The following RIMS1 variants were observed in gnomAD, a reference collection of about 807,000 sequenced individuals.
RIMS1 encodes the protein regulating synaptic membrane exocytosis protein 1.
Under a neutral mutation model 214.1 loss-of-function variants are expected in RIMS1, and 83 were observed. That is an observed-to-expected ratio of 0.39 (90% CI 0.32 to 0.47). The LOEUF (loss-of-function observed/expected upper bound fraction) is 0.47. Among genes scored for constraint, RIMS1 ranks in the 20% least tolerant of loss-of-function variants. The pLI is 0.99. For missense variants in RIMS1, 2,050 were observed against 2,161.8 expected, an observed-to-expected ratio of 0.95 and a Z score of 1.03; for synonymous variants, 793 against 786.8, an observed-to-expected ratio of 1.01 and a Z score of -0.13.
intron 1 of RIMS1, among the ~76,000 whole-genome samples, chr6:71,927,928 T>C (rs1206025295): frequency 6.6e-6 from 1 of 152,182 alleles, no homozygotes; most frequent in Non-Finnish European, 1.5e-5. Context: ...ACAGTTATTT[T>C]ATGGTTGAAA....
intron 27 of RIMS1, among the ~76,000 whole-genome samples, chr6:72,309,350 T>G (rs1192157348): frequency 1.3e-5 from 2 of 152,110 alleles, no homozygotes; most frequent in African/African-American, 4.8e-5. Flanking sequence ...TCCAGCTCAC[T>G]TATTTACCAA....
At chr6:72,167,909 T>A (rs1351155326) in intron 4 of RIMS1, among the ~76,000 whole-genome samples, 1 of 152,046 alleles carries the variant, frequency 6.6e-6, no homozygotes, top group African/African-American at 2.4e-5. Context: ...TTTTATTTTT[T>A]TTTTTAGTTT....
chr6:71,960,630 C>T (rs187233467), intron 1 of RIMS1, among the ~76,000 whole-genome samples: 14 of 152,166 alleles, frequency 9.2e-5, no homozygotes, highest in Admixed American at 9.2e-4. Context: ...ATTAGATGTC[C>T]TTGTAGTTTT....
intron 20 of RIMS1, among the ~76,000 whole-genome samples, 158 bp from the exon 21 acceptor site, chr6:72,265,232 T>C (rs2079948595): frequency 6.6e-6 from 1 of 152,184 alleles, no homozygotes. Flanking sequence ...CTAAAATCGT[T>C]TTAACTATAA....
At chr6:72,273,542 AAC>A (rs1330677239) in intron 22 of RIMS1, among the ~76,000 whole-genome samples, 4 of 152,152 alleles carry the variant, frequency 2.6e-5, no homozygotes, top group Admixed American at 2.6e-4. Flanking sequence ...AAAGGAATGA[AAC>A]AGTTTTCTAA....
intron 2 of RIMS1, among the ~76,000 whole-genome samples, chr6:71,969,318 A>G (rs986022505): frequency 3.9e-5 from 6 of 152,056 alleles, no homozygotes; most frequent in African/African-American, 1.4e-4. Flanking sequence ...CTCTAAAATG[A>G]CAGCAATTCT....
chr6:72,105,882 A>G (rs2034640365), intron 4 of RIMS1, among the ~76,000 whole-genome samples: 2 of 152,190 alleles, frequency 1.3e-5, no homozygotes, highest in African/African-American at 4.8e-5. Context: ...CAGGTCTACT[A>G]GACTATGACT....
chr6:72,315,712 GAC>G (rs2095748686), intron 28 of RIMS1, among the ~76,000 whole-genome samples: 1 of 151,812 alleles, frequency 6.6e-6, no homozygotes, highest in South Asian at 2.1e-4. Flanking sequence ...CACACACAGA[GAC>G]ACACAAACAC....
intron 1 of RIMS1, among the ~76,000 whole-genome samples, chr6:71,895,904 G>A (rs1048334862): frequency 5.3e-5 from 8 of 152,082 alleles, no homozygotes; most frequent in African/African-American, 1.4e-4. Context: ...ATTACTTAGC[G>A]TATTGGTAGA....
rs1216948867 is a variant in RIMS1, at chr6:72,233,695, A to G, written c.1679-78A>G. ...CTTATGATATTAAAACTCTTTATAG[A>G]TCGAAGAAGTAAAGCTTAAAGTGAT... On this transcript the variant is annotated intron_variant, in intron 6 of 33. Coordinates refer to ENST00000521978, the MANE Select transcript of RIMS1 (RefSeq NM_014989.7). 2.9e-6 allele frequency: 3 copies of G among 1,033,918 alleles called. No individual in the cohort carries two copies. In the African/African-American group the frequency reaches 4.8e-5, roughly 16 times the overall value. The allele number at this position is 1,033,918 out of a possible 1,614,324, so 64.0% of individuals were successfully genotyped here.
chr6:72,265,037 A>C lies in RIMS1; in HGVS notation c.3179A>C (p.His1060Pro), dbSNP rs777807498. Residue 1060 changes from histidine (H) to proline (P), a missense_variant, in exon 20 of 34, where the codon CAC becomes CCC. Physicochemically the swap from His to Pro is moderately conservative, Grantham distance 77. Around this residue, in one of 6 missense-constraint regions of RIMS1, gnomAD observed 889 missense variants for 885.5 expected, o/e 1.00. Transcript: ENST00000521978. ...PKMPLLQSSS[H>P]WNIYSSILPA... The stretch of plus-strand genomic sequence containing the variant: ...ATGCCTTTATTACAGAGCAGTTCTC[A>C]CTGGAATATTTACAGGTAAGAGCCC... 2 of 1,586,658 alleles carry C rather than the reference A, an allele frequency of 1.3e-6. No individual in the cohort carries two copies. The highest frequency in any genetic ancestry group is 2.7e-5 in the African/African-American group (2 of 74,356).
chr6:72,331,573 G>A (rs1264411146), intron 28 of RIMS1, among the ~76,000 whole-genome samples: 4 of 151,892 alleles, frequency 2.6e-5, no homozygotes, highest in African/African-American at 7.2e-5. Context: ...CTTAAGGATG[G>A]GTGGCGTATT....
At chr6:71,933,255 T>TA (rs1783566341) in intron 1 of RIMS1, among the ~76,000 whole-genome samples, 1 of 152,108 alleles carries the variant, frequency 6.6e-6, no homozygotes, top group Non-Finnish European at 1.5e-5. Context: ...CTACCTGAGG[T>TA]ATCCTCTCAT....
chr6:72,297,211 T>C (rs1185068896), intron 26 of RIMS1, among the ~76,000 whole-genome samples: 5 of 151,994 alleles, frequency 3.3e-5, no homozygotes, highest in Non-Finnish European at 7.4e-5. Context: ...AGATTTTGCA[T>C]AGATTTCTAG....
chr6:72,237,977 A>C, intron 9 of RIMS1, 55 bp downstream of exon 9: 1 of 1,258,998 alleles, frequency 7.9e-7, no homozygotes, highest in Non-Finnish European at 1.1e-6. Context: ...ATGAACATGA[A>C]TTGGTGGTTT....
chr6:72,237,535 G>A (rs1267285490), intron 8 of RIMS1, among the ~76,000 whole-genome samples: 2 of 151,798 alleles, frequency 1.3e-5, no homozygotes, highest in Admixed American at 6.6e-5. Context: ...AATTAGCTGG[G>A]CGTGGTGGTG....
chr6:71,928,854 A>G (rs1433368076), intron 1 of RIMS1, among the ~76,000 whole-genome samples: 1 of 152,166 alleles, frequency 6.6e-6, no homozygotes, highest in South Asian at 2.1e-4. Context: ...AATCATTGAC[A>G]CAGAATAGCT....
chr6:72,155,420 A>G (rs2044306440), intron 4 of RIMS1, among the ~76,000 whole-genome samples: 1 of 140,670 alleles, frequency 7.1e-6, no homozygotes, highest in African/African-American at 2.5e-5. Flanking sequence ...ACCCAGTTCC[A>G]AAGTTGCTTC....
chr6:72,063,369 G>T (rs540475960), intron 2 of RIMS1, among the ~76,000 whole-genome samples: 1 of 152,186 alleles, frequency 6.6e-6, no homozygotes, highest in East Asian at 1.9e-4. Flanking sequence ...GGAAGGGAAC[G>T]TGGGAGGGAC....
Sources: gnomAD v4.1 joint callset for allele counts (sites outside exome capture counted in the v4.1 genomes callset) on GRCh38, gnomAD v4.1.1 for gene constraint, gnomAD v4.1.1 regional missense constraint, MANE v1.5 for transcripts, NCBI Gene and HGNC (gene_info 2026-07-23, HGNC 2026-07-21) for gene names.